LARGE1: variants seen among roughly 807,000 people sequenced by gnomAD.
The protein encoded by LARGE1 is LARGE xylosyl- and glucuronyltransferase 1, also known as xylosyl- and glucuronyltransferase LARGE1.
LARGE1 carries 43 observed loss-of-function variants against 87.6 expected under a neutral mutation model. The ratio of observed to expected loss-of-function variants is 0.49; its 90% CI spans 0.38 to 0.63. The LOEUF is 0.63. Ranked by LOEUF, LARGE1 falls within the 30% of genes least tolerant of loss-of-function variation. The pLI, the probability that LARGE1 is intolerant of heterozygous loss-of-function variation, is 0.00. For synonymous variants in LARGE1, 434 were observed against 394.6 expected, an observed-to-expected ratio of 1.10 and a Z score of -1.18; for missense variants, 802 against 1,000.2, an observed-to-expected ratio of 0.80 and a Z score of 2.67.
At chr22:33,262,084 C>T (rs1019908424) in intron 11 of LARGE1, among the ~76,000 whole-genome samples, 2 of 152,196 alleles carry the variant, frequency 1.3e-5, no homozygotes, top group African/African-American at 2.4e-5. Flanking sequence ...CTCATGTTAG[C>T]GCCTTTGATC....
intron 6 of LARGE1, among the ~76,000 whole-genome samples, chr22:33,438,780 G>T (rs143296975): frequency 6.6e-6 from 1 of 152,250 alleles, no homozygotes; most frequent in African/African-American, 2.4e-5. Flanking sequence ...TTTAAAACTT[G>T]GCAAAACAGG....
chr22:33,111,041 G>A, the LARGE1 span, among the ~76,000 whole-genome samples: 1 of 152,116 alleles, frequency 6.6e-6, no homozygotes, highest in East Asian at 1.9e-4. Context: ...AAACTGGGTG[G>A]GGCCCAAGAC....
intron 1 of LARGE1, among the ~76,000 whole-genome samples, chr22:33,895,053 T>C (rs1601868331): frequency 6.6e-6 from 1 of 152,052 alleles, no homozygotes; most frequent in African/African-American, 2.4e-5. Flanking sequence ...GAGCCTTATA[T>C]TGGAGAGGCA....
intron 2 of LARGE1, among the ~76,000 whole-genome samples, chr22:33,694,542 AT>A (rs138320515): frequency 6.6e-5 from 10 of 150,732 alleles, no homozygotes; most frequent in East Asian, 5.8e-4. Context: ...CTGGTGGAAT[AT>A]TTTTTTTTTC....
chr22:33,543,445 A>G (rs946651457), intron 6 of LARGE1, among the ~76,000 whole-genome samples: 5 of 152,228 alleles, frequency 3.3e-5, no homozygotes, highest in Admixed American at 1.3e-4. Context: ...CCACGCATCA[A>G]AAGTTTACAA....
chr22:33,627,968 C>T (rs1411480828), intron 3 of LARGE1, among the ~76,000 whole-genome samples: 1 of 152,100 alleles, frequency 6.6e-6, no homozygotes, highest in East Asian at 1.9e-4. Flanking sequence ...TGGCCCCCAC[C>T]AGGGCTCATC....
At chr22:33,542,751 C>G (rs751753203) in intron 6 of LARGE1, among the ~76,000 whole-genome samples, 1 of 151,620 alleles carries the variant, frequency 6.6e-6, no homozygotes, top group South Asian at 2.1e-4. Context: ...AGACACTGGG[C>G]CCACCTACTC....
chr22:33,566,650 G>A (rs144241197), intron 5 of LARGE1, among the ~76,000 whole-genome samples: 24 of 152,284 alleles, frequency 1.6e-4, no homozygotes, highest in Admixed American at 6.5e-5. Flanking sequence ...GAGGGATGCC[G>A]CTGCTGGCTG....
chr22:33,594,055 T>C (rs147953428), intron 5 of LARGE1, among the ~76,000 whole-genome samples: 33 of 152,344 alleles, frequency 2.2e-4, no homozygotes, highest in African/African-American at 5.3e-4. Context: ...TGGCAAATAA[T>C]CAACTCTTAA....
At chr22:33,285,531 G>A (rs764241853) in intron 12 of LARGE1, among the ~76,000 whole-genome samples, 22 of 152,182 alleles carry the variant, frequency 1.4e-4, no homozygotes, top group Non-Finnish European at 3.2e-4. Flanking sequence ...GGCTGAGGCA[G>A]GAGAATCGCT....
At chr22:33,535,134 G>A (rs1408747507) in intron 6 of LARGE1, among the ~76,000 whole-genome samples, 1 of 152,232 alleles carries the variant, frequency 6.6e-6, no homozygotes. Flanking sequence ...TCCCCCGTCA[G>A]GGCGTACGCC....
chr22:33,683,609 G>C (rs1315610519), intron 2 of LARGE1, among the ~76,000 whole-genome samples: 2 of 152,014 alleles, frequency 1.3e-5, no homozygotes, highest in Non-Finnish European at 2.9e-5. Context: ...GGAAAACTGA[G>C]GAACAGAATG....
chr22:33,311,250 G>A (rs2283886), intron 11 of LARGE1, among the ~76,000 whole-genome samples: 71,918 of 151,562 alleles, frequency 0.47, 18,635 homozygotes, highest in African/African-American at 0.71. Context: ...GTGAGCCACC[G>A]CGCCCGGCCC....
Position 33,641,533 on chromosome 22 carries a change from T to A in LARGE1, c.408+8834A>T, listed in dbSNP as rs556034256. Among the ~76,000 whole-genome samples, 12 of 152,274 alleles carry A rather than the reference T, an allele frequency of 7.9e-5. No individual in the cohort carries two copies. In the South Asian group the frequency reaches 2.5e-3, roughly 32 times the overall value. On this transcript the variant is annotated intron_variant, in intron 3 of 14. Transcript: ENST00000397394. Reference sequence around the variant, plus strand: ...CACAAAACTGGATGGAGAATGAGTTTGACCAATTGACAGAAGTAGGCTTCA... The same window carrying A: ...CACAAAACTGGATGGAGAATGAGTTAGACCAATTGACAGAAGTAGGCTTCA...
chr22:33,071,612 AG>A, the LARGE1 span, among the ~76,000 whole-genome samples: 1 of 152,206 alleles, frequency 6.6e-6, no homozygotes, highest in Non-Finnish European at 1.5e-5. Flanking sequence ...AGACACATGG[AG>A]CCCCTGTTCT....
At chr22:33,074,482 C>G in the LARGE1 span, among the ~76,000 whole-genome samples, 1 of 152,250 alleles carries the variant, frequency 6.6e-6, no homozygotes, top group East Asian at 1.9e-4. Flanking sequence ...CCAGACCATC[C>G]TGACCAACAT....
chr22:33,499,392 T>C (rs2070322066), intron 6 of LARGE1, among the ~76,000 whole-genome samples: 1 of 152,178 alleles, frequency 6.6e-6, no homozygotes. Context: ...CTTATTTAGT[T>C]ATAACGATTG....
chr22:33,639,268 T>C (rs2080359879), intron 3 of LARGE1, among the ~76,000 whole-genome samples: 1 of 152,168 alleles, frequency 6.6e-6, no homozygotes, highest in African/African-American at 2.4e-5. Context: ...GCACCCACTC[T>C]TCCAGCATTG....
At chr22:33,357,821 GAAT>G (rs1382108210) in intron 9 of LARGE1, among the ~76,000 whole-genome samples, 2 of 152,086 alleles carry the variant, frequency 1.3e-5, no homozygotes, top group Admixed American at 6.5e-5. Context: ...ATACAAAAAA[GAAT>G]AATAGGTTTA....
Sources: allele counts gnomAD v4.1 joint callset (sites outside exome capture counted in the v4.1 genomes callset), GRCh38; gene constraint gnomAD v4.1.1; transcripts MANE v1.5; gene names NCBI Gene and HGNC (gene_info 2026-07-23, HGNC 2026-07-21).